ABCB4: variants seen among roughly 807,000 people sequenced by gnomAD.
ABCB4 encodes phosphatidylcholine translocator ABCB4.
In ABCB4, 76 loss-of-function variants were observed where a neutral mutation model predicts 145.7. The observed-to-expected ratio is 0.52, with a 90% CI of 0.43 to 0.63. The LOEUF is 0.63. Among genes scored for constraint, ABCB4 ranks in the 30% least tolerant of loss-of-function variants. The pLI is 0.00. For synonymous variants in ABCB4, 517 were observed against 566.8 expected (o/e 0.91, Z 1.25); for missense variants, 1,234 against 1,553.1 (o/e 0.79, Z 3.45).
the ABCB4 span, among the ~76,000 whole-genome samples, chr7:87,370,666 G>C: frequency 6.6e-6 from 1 of 152,106 alleles, no homozygotes; most frequent in South Asian, 2.1e-4. Flanking sequence ...TCAAAAATTA[G>C]AACATTTCTA....
chr7:87,377,197 C>T, the ABCB4 span: 3 of 499,574 alleles, frequency 6.0e-6, no homozygotes, highest in South Asian at 6.1e-5. Flanking sequence ...TTGCATATCA[C>T]ATATCAGTGT....
intron 3 of ABCB4, among the ~76,000 whole-genome samples, chr7:87,468,958 A>AATAAAATAAAATAAAATAAAATAAG (rs1813148703): frequency 6.6e-6 from 1 of 150,986 alleles, no homozygotes; most frequent in African/African-American, 2.4e-5. Flanking sequence ...AATAAAATAA[A>AATAAAATAAAATAAAATAAAATAAG]ATAAAATAAA....
chr7:87,475,606 A>G, intron 1 of ABCB4, 28 bp downstream of exon 1: 1 of 832,268 alleles, frequency 1.2e-6, no homozygotes, highest in East Asian at 2.7e-5. Flanking sequence ...TCTCCCTTCG[A>G]GGCCAGACGC....
the ABCB4 span, among the ~76,000 whole-genome samples, chr7:87,365,939 G>A: frequency 1.3e-5 from 2 of 151,888 alleles, no homozygotes; most frequent in Non-Finnish European, 2.9e-5. Context: ...CTACCCCCTA[G>A]GAGACCATTA....
chr7:87,371,950 C>T, the ABCB4 span, among the ~76,000 whole-genome samples: 54 of 147,728 alleles, frequency 3.7e-4, no homozygotes, highest in African/African-American at 1.0e-3. Context: ...GCTGTGATTA[C>T]GCCACTGCAC....
At chr7:87,396,484 T>C in the ABCB4 span, among the ~76,000 whole-genome samples, 1 of 152,166 alleles carries the variant, frequency 6.6e-6, no homozygotes, top group Non-Finnish European at 1.5e-5. Flanking sequence ...GACCCTTCTA[T>C]GATAGGAGCA....
chr7:87,367,907 T>A, the ABCB4 span, among the ~76,000 whole-genome samples: 1 of 152,178 alleles, frequency 6.6e-6, no homozygotes, highest in African/African-American at 2.4e-5. Context: ...TGGCATACCT[T>A]CTCTTCACCC....
intron 21 of ABCB4, among the ~76,000 whole-genome samples, chr7:87,414,887 A>G (rs545807951): frequency 6.6e-6 from 1 of 152,342 alleles, no homozygotes; most frequent in African/African-American, 2.4e-5. Context: ...CTTGAAAGGG[A>G]AATAGTATTC....
chr7:87,453,006 T>C lies in ABCB4; in HGVS notation c.474A>G (p.Leu158=). The C allele has an allele frequency of 6.2e-7, 1 of 1,614,110 alleles. No homozygotes were observed. Among genetic ancestry groups the C allele is most frequent in the Non-Finnish European group, 8.5e-7 (1 of 1,180,014 alleles). The change falls in exon 6 of 28, where the codon CTA becomes CTG. Residue 158 remains leucine, a synonymous_variant. Coordinates refer to ENST00000649586, the MANE Select transcript of ABCB4 (RefSeq NM_000443.4). The part of the protein sequence containing the change: ...KIRQKFFHAI[L]RQEIGWFDIN... ...TGTCAAACCATCCTATTTCCTGTCG[T>C]AGAATAGCATGAAAAAACTTCTGCC...
intron 15 of ABCB4, among the ~76,000 whole-genome samples, chr7:87,429,123 C>T (rs550462474): frequency 6.6e-6 from 1 of 152,340 alleles, no homozygotes; most frequent in African/African-American, 2.4e-5. Flanking sequence ...GCTTGAGCAT[C>T]TGCTGACTCT....
Position 87,417,440 on chromosome 7 carries a change from A to G in ABCB4, c.2554T>C (p.Tyr852His). 1 of 1,614,184 alleles carries G rather than the reference A, an allele frequency of 6.2e-7. No individual in the cohort carries two copies. Among genetic ancestry groups the G allele is most frequent in the Non-Finnish European group, 8.5e-7 (1 of 1,180,002 alleles). The part of the protein sequence containing the change: ...LGTGIIISFI[Y>H]GWQLTLLLLA... The stretch of plus-strand genomic sequence containing the variant: ...AGCAATAGGGTTAACTGCCAACCGT[A>G]GATAAATGATATGATAATACCAGTT... The change falls in exon 21 of 28, where the codon TAC (tyrosine) becomes CAC (histidine). Residue 852 changes from tyrosine (Y) to histidine (H), a missense_variant. Coordinates refer to ENST00000649586, the MANE Select transcript of ABCB4 (RefSeq NM_000443.4).
At chr7:87,468,766 AC>A (rs1813119298) in intron 3 of ABCB4, among the ~76,000 whole-genome samples, 1 of 151,810 alleles carries the variant, frequency 6.6e-6, no homozygotes, top group Non-Finnish European at 1.5e-5. Flanking sequence ...CCCTGTCTCT[AC>A]TAAAAATACA....
intron 4 of ABCB4, among the ~76,000 whole-genome samples, chr7:87,455,959 C>T (rs563426171): frequency 2.0e-5 from 3 of 152,216 alleles, no homozygotes; most frequent in Non-Finnish European, 4.4e-5. Flanking sequence ...ATTATAATTT[C>T]TACTGATGTT....
At position 87,475,369 on chromosome 7, in the gene ABCB4, G is replaced by A; in HGVS notation, c.80+17C>T. The A allele has an allele frequency of 6.2e-7, 1 of 1,614,104 alleles. No homozygotes were observed. ...ATTGGCGTGTAACGGAAAAGCCAGT[G>A]GCTGCTGGGGATGTACCTGCTGATG... On this transcript the variant is annotated intron_variant, in intron 2 of 27. Transcript: ENST00000649586.
At chr7:87,375,235 G>A in the ABCB4 span, 104 of 168,200 alleles carry the variant, frequency 6.2e-4, 1 homozygote, top group Non-Finnish European at 1.0e-3. Flanking sequence ...TACGCACATA[G>A]ATTTTAGTTA....
chr7:87,421,407 C>G (rs560548517), intron 18 of ABCB4, among the ~76,000 whole-genome samples: 1 of 152,272 alleles, frequency 6.6e-6, no homozygotes, highest in East Asian at 1.9e-4. Flanking sequence ...TTTCTAGCTG[C>G]ACTCCCTAGC....
chr7:87,373,282 A>G, the ABCB4 span, among the ~76,000 whole-genome samples: 4 of 152,044 alleles, frequency 2.6e-5, no homozygotes, highest in Non-Finnish European at 5.9e-5. Flanking sequence ...TTTTTAAATT[A>G]GTTTGTTTTT....
Position 87,454,549 on chromosome 7 carries a change from T to G in ABCB4, c.330A>C (p.Glu110Asp). The G allele has an allele frequency of 1.2e-6, 2 of 1,610,828 alleles. No homozygotes were observed. The highest frequency in any genetic ancestry group is 1.7e-6 in the Non-Finnish European group (2 of 1,177,928). The change falls in exon 5 of 28, where the codon GAA (glutamate) becomes GAC (aspartate). Residue 110 changes from glutamate to aspartate, a missense_variant. By Grantham distance (45) the Glu-to-Asp change is conservative. Around this residue, in one of 7 missense-constraint regions of ABCB4, gnomAD observed 467 missense variants for 632.8 expected, o/e 0.74. Coordinates refer to ENST00000649586, the MANE Select transcript of ABCB4 (RefSeq NM_000443.4). ...LSLLNPGKILEEEMTRYAYYY... is the reference protein window; with the variant it reads ...LSLLNPGKILDEEMTRYAYYY... The stretch of plus-strand genomic sequence containing the variant: ...ATATGAGTTACCTAGTCATTTCTTC[T>G]TCCAGAATTTTGCCTGGATTTAGCA...
chr7:87,462,879 C>T lies in ABCB4; in HGVS notation c.165G>A (p.Leu55=), dbSNP rs1047020268. The T allele has an allele frequency of 3.1e-6, 5 of 1,613,696 alleles. No homozygotes were observed. The highest frequency in any genetic ancestry group is 4.2e-6 in the Non-Finnish European group (5 of 1,179,866). ...LFRYSDWQDK[L]FMSLGTIMAI... ...CCATGATGGTACCCAGCGACATAAA[C>T]AATTTATCCTGCCAATCGGAGTATC... The change falls in exon 4 of 28, where the codon TTG becomes TTA. Residue 55 remains leucine, a synonymous_variant. Transcript: ENST00000649586.
Sources: gnomAD v4.1 joint callset for allele counts (sites outside exome capture counted in the v4.1 genomes callset) on GRCh38, gnomAD v4.1.1 for gene constraint, gnomAD v4.1.1 regional missense constraint, MANE v1.5 for transcripts, NCBI Gene and HGNC (gene_info 2026-07-23, HGNC 2026-07-21) for gene names.